The following PPFIA2 variants were observed in gnomAD, a reference collection of about 807,000 sequenced individuals.
PPFIA2 encodes the protein liprin-alpha-2.
A neutral mutation model predicts 175.5 loss-of-function variants in PPFIA2; 46 were observed. The ratio of observed to expected loss-of-function variants is 0.26; its 90% CI spans 0.21 to 0.34. The LOEUF is 0.34. Among genes scored for constraint, PPFIA2 ranks in the 10% least tolerant of loss-of-function variants. PPFIA2 has a pLI of 1.00. For missense variants in PPFIA2, 1,179 were observed against 1,506.1 expected, an observed-to-expected ratio of 0.78 and a Z score of 3.60; for synonymous variants, 568 against 511.4, an observed-to-expected ratio of 1.11 and a Z score of -1.49.
intron 6 of PPFIA2, 138 bp from the exon 7 acceptor site, chr12:81,440,184 C>A: frequency 1.9e-6 from 1 of 539,884 alleles, no homozygotes; most frequent in East Asian, 3.5e-5. Flanking sequence ...GCTCAGAATA[C>A]TAAATCTGGC....
intron 4 of PPFIA2, among the ~76,000 whole-genome samples, chr12:81,469,325 A>C (rs1213884354): frequency 2.6e-5 from 4 of 152,180 alleles, no homozygotes; most frequent in Non-Finnish European, 5.9e-5. Flanking sequence ...AGCCTGTGAA[A>C]TTTTTCAGAC....
chr12:81,280,046 A>T (rs1030336463), intron 27 of PPFIA2, among the ~76,000 whole-genome samples: 1 of 152,200 alleles, frequency 6.6e-6, no homozygotes, highest in Non-Finnish European at 1.5e-5. Flanking sequence ...AAATGTATTT[A>T]ATTACTTCAA....
At chr12:81,719,078 G>A (rs934158850) in intron 3 of PPFIA2, among the ~76,000 whole-genome samples, 3 of 151,602 alleles carry the variant, frequency 2.0e-5, no homozygotes, top group African/African-American at 7.3e-5. Context: ...TAATCATTAA[G>A]TAGTTATAAA....
At chr12:81,516,934 C>T (rs1234334197) in intron 4 of PPFIA2, among the ~76,000 whole-genome samples, 10 of 152,022 alleles carry the variant, frequency 6.6e-5, no homozygotes. Flanking sequence ...TAGTGAAGTA[C>T]CCCAGGAAAC....
chr12:81,418,274 A>C (rs941113163), intron 7 of PPFIA2, among the ~76,000 whole-genome samples: 1 of 151,870 alleles, frequency 6.6e-6, no homozygotes, highest in Admixed American at 6.6e-5. Context: ...ACTGGAACCA[A>C]GTAAATACTC....
At chr12:81,714,231 G>A (rs1328826286) in intron 3 of PPFIA2, among the ~76,000 whole-genome samples, 3 of 151,148 alleles carry the variant, frequency 2.0e-5, no homozygotes, top group African/African-American at 4.8e-5. Context: ...ACACTTTCAT[G>A]CATTCAATTC....
intron 9 of PPFIA2, among the ~76,000 whole-genome samples, chr12:81,377,782 C>G (rs1389868664): frequency 6.6e-6 from 1 of 152,098 alleles, no homozygotes. Context: ...ATCTGAGCTA[C>G]AAAGCCTGGA....
intron 3 of PPFIA2, among the ~76,000 whole-genome samples, chr12:81,733,897 A>G (rs2081248109): frequency 1.3e-5 from 2 of 151,828 alleles, no homozygotes; most frequent in Middle Eastern, 3.4e-3. Flanking sequence ...CCTGTAACCT[A>G]CATGTTACAT....
At position 81,755,524 on chromosome 12, in the gene PPFIA2, A is replaced by C. The variant is rs372711047; in HGVS notation, c.-2-1301T>G. On this transcript the variant is annotated intron_variant, in intron 2 of 32. Coordinates refer to ENST00000549396, the MANE Select transcript of PPFIA2 (RefSeq NM_003625.5). Reference sequence around the variant, plus strand: ...TGGTGATATTTTCAAATAGAATGTCAAGATTTAACAGCTCAATATTTAATT... The same window carrying C: ...TGGTGATATTTTCAAATAGAATGTCCAGATTTAACAGCTCAATATTTAATT... 1.2e-4 allele frequency among the ~76,000 whole-genome samples: 18 copies of C among 152,312 alleles called. No individual in the cohort carries two copies. In the East Asian group the frequency reaches 3.5e-3, roughly 29 times the overall value.
At chr12:81,364,255 C>T (rs925675547) in intron 14 of PPFIA2, among the ~76,000 whole-genome samples, 3 of 151,760 alleles carry the variant, frequency 2.0e-5, no homozygotes, top group African/African-American at 7.3e-5. Context: ...ATAGAGGATA[C>T]TTTTTAAAAG....
At chr12:81,504,371 T>C (rs1436615029) in intron 4 of PPFIA2, among the ~76,000 whole-genome samples, 1 of 152,120 alleles carries the variant, frequency 6.6e-6, no homozygotes, top group Admixed American at 6.6e-5. Flanking sequence ...AAGATATTTA[T>C]ATGGCCAACA....
intron 4 of PPFIA2, among the ~76,000 whole-genome samples, chr12:81,645,008 C>T (rs1486595721): frequency 2.0e-5 from 3 of 151,724 alleles, no homozygotes; most frequent in African/African-American, 7.3e-5. Flanking sequence ...AAAATTTTGG[C>T]TGGAACAGAA....
At chr12:81,591,040 T>C (rs1420010873) in intron 4 of PPFIA2, among the ~76,000 whole-genome samples, 1 of 152,162 alleles carries the variant, frequency 6.6e-6, no homozygotes, top group African/African-American at 2.4e-5. Context: ...TAGAGACTTA[T>C]TGAATGACTT....
At chr12:81,660,477 T>G (rs552632058) in intron 4 of PPFIA2, among the ~76,000 whole-genome samples, 90 of 152,008 alleles carry the variant, frequency 5.9e-4, no homozygotes, top group South Asian at 1.2e-3. Flanking sequence ...TGAAATGAAG[T>G]GAGAAGAGAA....
Position 81,313,941 on chromosome 12 carries a change from T to C in PPFIA2, c.2642+11836A>G. 1.3e-5 allele frequency among the ~76,000 whole-genome samples: 2 copies of C among 151,862 alleles called. 1 individual carries two copies. Among genetic ancestry groups the C allele is most frequent in the East Asian group, 3.8e-4 (2 of 5,198 alleles). On this transcript the variant is annotated intron_variant, in intron 22 of 32. Coordinates refer to ENST00000549396, the MANE Select transcript of PPFIA2 (RefSeq NM_003625.5). ...AAAATATAAAATATAAGATAAAATA[T>C]GAAAATAAACAGAAAACACAAATTT...
intron 3 of PPFIA2, among the ~76,000 whole-genome samples, chr12:81,728,795 T>C (rs1003986284): frequency 2.6e-5 from 4 of 151,412 alleles, no homozygotes; most frequent in African/African-American, 9.7e-5. Flanking sequence ...CTAAGGTGAC[T>C]ACCAGAAAAA....
At chr12:81,693,860 T>A (rs1023670115) in intron 3 of PPFIA2, among the ~76,000 whole-genome samples, 36 of 152,300 alleles carry the variant, frequency 2.4e-4, no homozygotes, top group African/African-American at 8.4e-4. Context: ...GAGCAAAGTT[T>A]ACACATGTTA....
chr12:81,633,634 G>A (rs2063650355), intron 4 of PPFIA2, among the ~76,000 whole-genome samples: 1 of 151,816 alleles, frequency 6.6e-6, no homozygotes, highest in South Asian at 2.1e-4. Context: ...GTTAGATATA[G>A]GAATAGAACA....
chr12:81,601,776 A>G (rs1345461835), intron 4 of PPFIA2, among the ~76,000 whole-genome samples: 1 of 151,870 alleles, frequency 6.6e-6, no homozygotes, highest in Non-Finnish European at 1.5e-5. Context: ...CAGTTTGAAA[A>G]ACTATGAAGC....
Sources: gnomAD v4.1 joint callset for allele counts (sites outside exome capture counted in the v4.1 genomes callset) on GRCh38, gnomAD v4.1.1 for gene constraint, MANE v1.5 for transcripts, NCBI Gene and HGNC (gene_info 2026-07-23, HGNC 2026-07-21) for gene names.